PACRG: variants seen among roughly 807,000 people sequenced by gnomAD.
PACRG encodes parkin coregulated.
In PACRG, 29 loss-of-function variants were observed where a neutral mutation model predicts 29.7. The observed-to-expected ratio is 0.98, with a 90% CI of 0.73 to 1.33. The LOEUF (loss-of-function observed/expected upper bound fraction) is 1.33, where lower values mean the gene tolerates loss of function less well. PACRG is among the 40% of genes most tolerant of loss of function. The pLI is 0.00. For missense variants in PACRG, 279 were observed against 316.2 expected (o/e 0.88, Z 0.89); for synonymous variants, 116 against 118.7 (o/e 0.98, Z 0.15).
chr6:163,019,279 T>A (rs1469418956), intron 2 of PACRG, among the ~76,000 whole-genome samples: 1 of 152,222 alleles, frequency 6.6e-6, no homozygotes, highest in Admixed American at 6.5e-5. Context: ...ATAACTTTTC[T>A]GGTTCACAGC....
chr6:163,300,245 G>A (rs906919534), intron 4 of PACRG, among the ~76,000 whole-genome samples: 10 of 152,312 alleles, frequency 6.6e-5, no homozygotes, highest in Admixed American at 2.6e-4. Context: ...TTTACTCGGC[G>A]CTCTCAGTCT....
At chr6:163,013,870 T>TG (rs578160277) in intron 2 of PACRG, among the ~76,000 whole-genome samples, 105 of 152,074 alleles carry the variant, frequency 6.9e-4, no homozygotes, top group Admixed American at 3.0e-3. Flanking sequence ...AGGTTTTTTT[T>TG]TTTTTTTACT....
At chr6:163,027,419 C>G (rs1359778026) in intron 2 of PACRG, among the ~76,000 whole-genome samples, 1 of 152,146 alleles carries the variant, frequency 6.6e-6, no homozygotes, top group Non-Finnish European at 1.5e-5. Context: ...AATCTGGAAA[C>G]ATTTCTCTCT....
At chr6:163,206,287 A>G (rs1043834197) in intron 4 of PACRG, among the ~76,000 whole-genome samples, 1 of 152,198 alleles carries the variant, frequency 6.6e-6, no homozygotes, top group Non-Finnish European at 1.5e-5. Flanking sequence ...CACTCTTCAC[A>G]ATAGCAAAGA....
intron 2 of PACRG, among the ~76,000 whole-genome samples, chr6:162,939,494 T>C (rs1303589480): frequency 6.6e-6 from 1 of 152,190 alleles, no homozygotes; most frequent in Non-Finnish European, 1.5e-5. Context: ...TCAAAGATTA[T>C]TTCAAGGGAG....
At position 163,101,274 on chromosome 6, in the gene PACRG, A is replaced by G. The variant is rs981229199; in HGVS notation, c.613+11866A>G. ...TTAAAAAACAAGATGTAATTGGGCC[A>G]TAATGACAGGATTATTGCCTGGTAA... On this transcript the variant is annotated intron_variant, in intron 4 of 4. Transcript: ENST00000366888. 5.1e-6 allele frequency: 5 copies of G among 982,834 alleles called. No individual in the cohort carries two copies. In the Admixed American group the frequency reaches 3.1e-4, roughly 60 times the overall value. The allele number at this position is 982,834 out of a possible 1,614,324, so 60.9% of individuals were successfully genotyped here. A position where few individuals can be genotyped will look rare whatever the true frequency, so the allele number is the denominator to read the frequency against.
chr6:163,131,704 T>G (rs1816748900), intron 4 of PACRG, among the ~76,000 whole-genome samples: 1 of 152,110 alleles, frequency 6.6e-6, no homozygotes, highest in South Asian at 2.1e-4. Context: ...GGAGCGATCC[T>G]ACCTCCCTCA....
chr6:163,172,498 A>G (rs1779135828), intron 4 of PACRG, among the ~76,000 whole-genome samples: 1 of 152,208 alleles, frequency 6.6e-6, no homozygotes, highest in African/African-American at 2.4e-5. Context: ...ACACACACGC[A>G]TGCATGCACG....
At chr6:163,294,156 T>TTAATA (rs1784708850) in intron 4 of PACRG, among the ~76,000 whole-genome samples, 1 of 152,186 alleles carries the variant, frequency 6.6e-6, no homozygotes, top group African/African-American at 2.4e-5. Flanking sequence ...ATTGTACTTC[T>TTAATA]TTGTATTAAA....
chr6:162,776,916 C>T lies in PACRG; in HGVS notation c.157-37231C>T, dbSNP rs139006472. ...AGCATTAAAAGGCATAAGAATGATA[C>T]GTTGGACTTTGGGGAAAGGGTGGCA... is the stretch of plus-strand genomic sequence containing the variant. On this transcript the variant is annotated intron_variant, in intron 1 of 4. Transcript: ENST00000366888. Among the ~76,000 whole-genome samples the T allele has an allele frequency of 7.2e-5, 11 of 152,096 alleles. No individual in the cohort carries two copies. In the East Asian group the frequency reaches 1.2e-3, roughly 16 times the overall value.
chr6:162,996,663 T>C (rs902972174), intron 2 of PACRG, among the ~76,000 whole-genome samples: 1 of 152,152 alleles, frequency 6.6e-6, no homozygotes, highest in South Asian at 2.1e-4. Flanking sequence ...ATGTGGAATT[T>C]ATACACACAG....
chr6:163,197,221 G>A (rs1456443264), intron 4 of PACRG, among the ~76,000 whole-genome samples: 1 of 152,020 alleles, frequency 6.6e-6, no homozygotes, highest in African/African-American at 2.4e-5. Context: ...AGTCATAACT[G>A]GTTCTCCGTT....
At chr6:162,875,185 TCA>T (rs149517993) in intron 2 of PACRG, among the ~76,000 whole-genome samples, 8,489 of 149,250 alleles carry the variant, frequency 0.057, 356 homozygotes, top group Middle Eastern at 0.13. Flanking sequence ...TCATACACAT[TCA>T]CACACACATC....
chr6:162,745,747 A>C (rs993851527), intron 1 of PACRG, among the ~76,000 whole-genome samples: 1 of 152,124 alleles, frequency 6.6e-6, no homozygotes, highest in Non-Finnish European at 1.5e-5. Flanking sequence ...GAAACTTTCA[A>C]GCCTGTGTGA....
chr6:162,788,850 T>G (rs1379654379), intron 1 of PACRG, among the ~76,000 whole-genome samples: 2 of 152,196 alleles, frequency 1.3e-5, no homozygotes, highest in Non-Finnish European at 1.5e-5. Flanking sequence ...AAAATAAGGT[T>G]GTTCATTTTC....
intron 1 of PACRG, among the ~76,000 whole-genome samples, chr6:162,765,089 TATC>T (rs916804518): frequency 1.3e-5 from 2 of 151,854 alleles, no homozygotes; most frequent in South Asian, 2.1e-4. Flanking sequence ...CATACCTATT[TATC>T]ATCATCATCA....
At chr6:162,830,567 C>T (rs1208490788) in intron 2 of PACRG, among the ~76,000 whole-genome samples, 1 of 152,234 alleles carries the variant, frequency 6.6e-6, no homozygotes, top group African/African-American at 2.4e-5. Context: ...AGCTCAATAC[C>T]ATGCCTGTCC....
chr6:163,272,129 C>T (rs958213580), intron 4 of PACRG, among the ~76,000 whole-genome samples: 4 of 151,482 alleles, frequency 2.6e-5, no homozygotes, highest in African/African-American at 7.3e-5. Flanking sequence ...ACCTCCACCT[C>T]CCAGGTTCAA....
chr6:162,890,846 G>A (rs1794700863), intron 2 of PACRG, among the ~76,000 whole-genome samples: 1 of 152,078 alleles, frequency 6.6e-6, no homozygotes, highest in South Asian at 2.1e-4. Context: ...TAACCTTCAC[G>A]ACCCCCTTGA....
Sources: gnomAD v4.1 joint callset for allele counts (sites outside exome capture counted in the v4.1 genomes callset) on GRCh38, gnomAD v4.1.1 for gene constraint, MANE v1.5 for transcripts, NCBI Gene and HGNC (gene_info 2026-07-23, HGNC 2026-07-21) for gene names.